The following SLAMF9 variants were observed in gnomAD, a reference collection of about 807,000 sequenced individuals.
SLAMF9 encodes SLAM family member 9.
Under a neutral mutation model 30.4 loss-of-function variants are expected in SLAMF9, and 25 were observed. That is an observed-to-expected ratio of 0.82 (90% CI 0.60 to 1.15). The LOEUF is 1.15. Among genes scored for constraint, SLAMF9 ranks in the 50% most tolerant of loss-of-function variants. SLAMF9 has a pLI of 0.00. For missense variants in SLAMF9, 344 were observed against 346.1 expected, an observed-to-expected ratio of 0.99 and a Z score of 0.05; for synonymous variants, 129 against 127.2, an observed-to-expected ratio of 1.01 and a Z score of -0.09.
the SLAMF9 span, among the ~76,000 whole-genome samples, chr1:159,960,638 G>A: frequency 6.6e-6 from 1 of 151,980 alleles, no homozygotes; most frequent in African/African-American, 2.4e-5. Context: ...GCTAATTTTT[G>A]TAGAGACGGG....
chr1:159,975,343 G>A, the SLAMF9 span, among the ~76,000 whole-genome samples: 1 of 152,132 alleles, frequency 6.6e-6, no homozygotes, highest in African/African-American at 2.4e-5. Flanking sequence ...AGGTGAGATT[G>A]CTTTGACCTC....
chr1:159,974,594 A>T, the SLAMF9 span, among the ~76,000 whole-genome samples: 2 of 151,634 alleles, frequency 1.3e-5, no homozygotes, highest in East Asian at 3.9e-4. Context: ...AGAGGTCCAG[A>T]CTCCATCGAT....
the SLAMF9 span, chr1:159,973,380 G>A: frequency 1.9e-5 from 10 of 519,310 alleles, no homozygotes; most frequent in Admixed American, 1.7e-4. Context: ...GCTGCAGCCC[G>A]GGAACCCCAA....
chr1:159,958,443 A>G (rs1651976226), upstream of SLAMF9, among the ~76,000 whole-genome samples: 1 of 151,710 alleles, frequency 6.6e-6, no homozygotes, highest in Admixed American at 6.6e-5. Context: ...TGTCAAGTCT[A>G]ATTTTCGTTT....
chr1:159,972,149 C>T, the SLAMF9 span, among the ~76,000 whole-genome samples: 1 of 152,134 alleles, frequency 6.6e-6, no homozygotes, highest in East Asian at 1.9e-4. Flanking sequence ...CCCACATGCA[C>T]ACGAGACTCC....
the SLAMF9 span, among the ~76,000 whole-genome samples, chr1:159,960,735 T>C: frequency 1.7e-5 from 2 of 121,086 alleles, no homozygotes; most frequent in African/African-American, 7.0e-5. Flanking sequence ...ATTACAGGCA[T>C]GAGTCACTGC....
At chr1:159,967,550 T>C in the SLAMF9 span, among the ~76,000 whole-genome samples, 39 of 152,342 alleles carry the variant, frequency 2.6e-4, no homozygotes, top group African/African-American at 9.4e-4. Context: ...CCTCCAGCTT[T>C]GTTATTTTTG....
At chr1:159,966,677 C>A in the SLAMF9 span, among the ~76,000 whole-genome samples, 4 of 151,912 alleles carry the variant, frequency 2.6e-5, no homozygotes, top group Admixed American at 6.6e-5. Flanking sequence ...TGAGGTGATA[C>A]CTCATTGTGG....
chr1:159,968,857 C>A, the SLAMF9 span, among the ~76,000 whole-genome samples: 3 of 152,084 alleles, frequency 2.0e-5, no homozygotes, highest in South Asian at 4.1e-4. Context: ...TCGAAACCAG[C>A]CTGGCCAACA....
chr1:159,973,922 G>C, the SLAMF9 span: 1 of 1,612,450 alleles, frequency 6.2e-7, no homozygotes, highest in Non-Finnish European at 8.5e-7. Flanking sequence ...ACAGAGTCTG[G>C]TTTTCCTTAG....
chr1:159,976,667 T>C, the SLAMF9 span: 1 of 152,220 alleles, frequency 6.6e-6, no homozygotes, highest in South Asian at 2.1e-4. Flanking sequence ...CCTCTCTTTC[T>C]TGAAGTTACC....
rs1258578881 is a variant in SLAMF9 at position 159,953,470 on chromosome 1, A to G, written c.230T>C (p.Val77Ala). ...GKEGHPATIM[V>A]TNPHYQGQVS... ...TTGGCCCTGGTAGTGTGGATTGGTC[A>G]CCATGATGGTAGCTGGATGTCCCTC... is the stretch of plus-strand genomic sequence containing the variant. The change falls in exon 2 of 4, where the codon GTG becomes GCG. Residue 77 changes from valine (V) to alanine (A), a missense_variant. Transcript: ENST00000368093. The G allele has an allele frequency of 6.2e-7, 1 of 1,614,202 alleles. No individual in the cohort carries two copies. Among genetic ancestry groups the G allele is most frequent in the East Asian group, 2.2e-5 (1 of 44,874 alleles).
the SLAMF9 span, among the ~76,000 whole-genome samples, chr1:159,979,327 G>T: frequency 1.3e-5 from 2 of 152,308 alleles, no homozygotes; most frequent in Non-Finnish European, 2.9e-5. Flanking sequence ...TTGCCACTAT[G>T]TTCCCCAAGT....
chr1:159,960,012 A>T, the SLAMF9 span, among the ~76,000 whole-genome samples: 15 of 149,390 alleles, frequency 1.0e-4, no homozygotes, highest in East Asian at 7.8e-4. Flanking sequence ...TGACTTCTTT[A>T]TATATATATA....
At chr1:159,958,582 T>A (rs991698069), upstream of SLAMF9, among the ~76,000 whole-genome samples, 11 of 151,984 alleles carry the variant, frequency 7.2e-5, no homozygotes, top group African/African-American at 2.4e-4. Flanking sequence ...CATCTCAGCC[T>A]CCCAACTAGC....
At chr1:159,969,084 T>G in the SLAMF9 span, among the ~76,000 whole-genome samples, 6 of 151,894 alleles carry the variant, frequency 4.0e-5, no homozygotes, top group South Asian at 1.2e-3. Context: ...AGCTTGGGGA[T>G]TCCCCCTCAA....
At chr1:159,967,922 G>T in the SLAMF9 span, among the ~76,000 whole-genome samples, 1 of 152,106 alleles carries the variant, frequency 6.6e-6, no homozygotes, top group Non-Finnish European at 1.5e-5. Flanking sequence ...TTAACATACA[G>T]AAATGCCACT....
At chr1:159,951,948 T>C (rs1651759789) in intron 3 of SLAMF9, 82 bp from the exon 4 acceptor site, 3 of 1,189,178 alleles carry the variant, frequency 2.5e-6, no homozygotes, top group Admixed American at 2.1e-5. Flanking sequence ...CCAAATTTCA[T>C]GAAGGGGTCT....
At chr1:159,963,778 G>A in the SLAMF9 span, among the ~76,000 whole-genome samples, 1 of 151,994 alleles carries the variant, frequency 6.6e-6, no homozygotes, top group Non-Finnish European at 1.5e-5. Context: ...ATGCTTATTT[G>A]GGCCAGGCGC....
Sources: allele counts gnomAD v4.1 joint callset (sites outside exome capture counted in the v4.1 genomes callset), GRCh38; gene constraint gnomAD v4.1.1; transcripts MANE v1.5; gene names NCBI Gene and HGNC (gene_info 2026-07-23, HGNC 2026-07-21).